CTNNA2: variants seen among roughly 807,000 people sequenced by gnomAD.
CTNNA2 encodes the protein catenin alpha-2.
Under a neutral mutation model 101.0 loss-of-function variants are expected in CTNNA2, and 42 were observed. The ratio of observed to expected loss-of-function variants is 0.42; its 90% CI spans 0.32 to 0.54. The LOEUF is 0.54. Ranked by LOEUF, CTNNA2 falls within the 20% of genes least tolerant of loss-of-function variation. The probability of loss-of-function intolerance (pLI) is 0.14; values close to 1 mark genes in which losing one functional copy is unlikely to be tolerated. For synonymous variants in CTNNA2, 450 were observed against 456.4 expected (o/e 0.99, Z 0.18); for missense variants, 871 against 1,223.1 (o/e 0.71, Z 4.29).
At chr2:79,468,915 C>T (rs1189368372) in intron 4 of CTNNA2, among the ~76,000 whole-genome samples, 2 of 152,110 alleles carry the variant, frequency 1.3e-5, no homozygotes. Flanking sequence ...TAAATACCCA[C>T]AAGAGAAAGC....
intron 6 of CTNNA2, among the ~76,000 whole-genome samples, chr2:79,882,996 C>T (rs975681839): frequency 6.6e-6 from 1 of 152,198 alleles, no homozygotes; most frequent in African/African-American, 2.4e-5. Context: ...TGCTCTTCCT[C>T]TCCGTGGATC....
intron 4 of CTNNA2, among the ~76,000 whole-genome samples, chr2:79,425,727 C>T (rs1678586175): frequency 1.3e-5 from 2 of 152,134 alleles, no homozygotes; most frequent in African/African-American, 4.8e-5. Context: ...TGCATATGCT[C>T]TTATACGAAA....
At chr2:80,143,649 A>G (rs571822205) in intron 7 of CTNNA2, among the ~76,000 whole-genome samples, 1 of 152,290 alleles carries the variant, frequency 6.6e-6, no homozygotes, top group Admixed American at 6.5e-5. Flanking sequence ...ATTACGTAAA[A>G]TACATTCCTA....
intron 3 of CTNNA2, chr2:79,373,696 C>T (rs1487544613): frequency 6.6e-6 from 1 of 152,088 alleles, no homozygotes; most frequent in Non-Finnish European, 1.5e-5. Context: ...GTGAGTTACA[C>T]AGACCTTAAA....
At chr2:80,214,457 C>T (rs560546910) in intron 7 of CTNNA2, among the ~76,000 whole-genome samples, 91 of 152,208 alleles carry the variant, frequency 6.0e-4, no homozygotes, top group African/African-American at 2.2e-3. Context: ...GATTTTATTT[C>T]TCCTTCACTT....
intron 7 of CTNNA2, among the ~76,000 whole-genome samples, chr2:80,127,489 A>G (rs1026007859): frequency 1.3e-5 from 2 of 152,180 alleles, no homozygotes; most frequent in African/African-American, 4.8e-5. Context: ...ACAGATGTGG[A>G]AATCTGTATG....
intron 7 of CTNNA2, among the ~76,000 whole-genome samples, chr2:80,284,242 G>C (rs1307822537): frequency 6.6e-6 from 1 of 152,084 alleles, no homozygotes; most frequent in African/African-American, 2.4e-5. Context: ...CCTAACTCTG[G>C]ATGATAAAAT....
chr2:79,347,574 A>G (rs1677289668), intron 3 of CTNNA2, among the ~76,000 whole-genome samples: 1 of 151,394 alleles, frequency 6.6e-6, no homozygotes, highest in African/African-American at 2.4e-5. Context: ...ACCTGCGAAA[A>G]CTCACTTTCT....
chr2:79,700,226 A>G (rs1471020629), intron 2 of CTNNA2, among the ~76,000 whole-genome samples: 2 of 152,140 alleles, frequency 1.3e-5, no homozygotes, highest in Non-Finnish European at 2.9e-5. Flanking sequence ...TCAAAGTATT[A>G]TAGGTAGTAT....
intron 7 of CTNNA2, among the ~76,000 whole-genome samples, chr2:80,117,834 AGTG>A (rs1393118847): frequency 6.6e-6 from 1 of 152,204 alleles, no homozygotes; most frequent in East Asian, 1.9e-4. Context: ...TATTAGTATT[AGTG>A]TTTGACTATT....
chr2:80,311,863 T>G (rs1677622087), intron 7 of CTNNA2, among the ~76,000 whole-genome samples: 1 of 152,244 alleles, frequency 6.6e-6, no homozygotes, highest in African/African-American at 2.4e-5. Flanking sequence ...CTTATTTAAT[T>G]GCAGTTTATA....
intron 4 of CTNNA2, among the ~76,000 whole-genome samples, chr2:79,409,835 A>C (rs1558660397): frequency 6.6e-6 from 1 of 151,302 alleles, no homozygotes; most frequent in Non-Finnish European, 1.5e-5. Flanking sequence ...CAATTCTGTG[A>C]AGAAAGTCAT....
intron 7 of CTNNA2, among the ~76,000 whole-genome samples, chr2:80,149,958 C>A (rs1259296906): frequency 6.6e-6 from 1 of 152,074 alleles, no homozygotes; most frequent in Non-Finnish European, 1.5e-5. Context: ...AAGCATCCAC[C>A]CTAGGCCTGT....
intron 7 of CTNNA2, among the ~76,000 whole-genome samples, chr2:79,930,413 C>G (rs1407099802): frequency 6.6e-6 from 1 of 152,142 alleles, no homozygotes; most frequent in South Asian, 2.1e-4. Flanking sequence ...TTTGACATAA[C>G]CTTTGTAGAG....
At chr2:79,217,384 A>AG (rs1314390977) in intron 2 of CTNNA2, among the ~76,000 whole-genome samples, 1 of 151,822 alleles carries the variant, frequency 6.6e-6, no homozygotes, top group African/African-American at 2.4e-5. Context: ...ACCTGGGTGC[A>AG]GGGGGGCTGA....
intron 15 of CTNNA2, among the ~76,000 whole-genome samples, chr2:80,594,232 C>G (rs528705243): frequency 4.1e-4 from 62 of 151,894 alleles, no homozygotes; most frequent in Non-Finnish European, 8.0e-4. Context: ...TTTGTATTTC[C>G]CTAATGATTA....
chr2:80,484,521 A>G (rs1686400837), intron 9 of CTNNA2, among the ~76,000 whole-genome samples: 1 of 152,194 alleles, frequency 6.6e-6, no homozygotes, highest in Admixed American at 6.5e-5. Context: ...TGGAACAGGA[A>G]ATAGCCTTTG....
At chr2:80,300,341 T>G (rs1195599818) in intron 7 of CTNNA2, among the ~76,000 whole-genome samples, 1 of 150,274 alleles carries the variant, frequency 6.7e-6, no homozygotes, top group African/African-American at 2.5e-5. Context: ...TGTAAGAAGC[T>G]GTCTCCCAGG....
rs551495651 is a variant in CTNNA2 at position 79,519,561 on chromosome 2, A to G, written c.-6+6354A>G. 3.9e-5 allele frequency among the ~76,000 whole-genome samples: 6 copies of G among 152,320 alleles called. No individual in the cohort carries two copies. In the East Asian group the frequency reaches 7.7e-4, roughly 20 times the overall value. On this transcript the variant is annotated intron_variant, in intron 1 of 18. Coordinates refer to ENST00000402739, the MANE Select transcript of CTNNA2 (RefSeq NM_001282597.3). Reference sequence around the variant, plus strand: ...GAGTGACTTAGACTTATATCTAGCTATAAAATTCTATAATTCTACATGTGT... The same window carrying G: ...GAGTGACTTAGACTTATATCTAGCTGTAAAATTCTATAATTCTACATGTGT...
Sources: gnomAD v4.1 joint callset for allele counts (sites outside exome capture counted in the v4.1 genomes callset) on GRCh38, gnomAD v4.1.1 for gene constraint, MANE v1.5 for transcripts, NCBI Gene and HGNC (gene_info 2026-07-23, HGNC 2026-07-21) for gene names.